The following PICALM variants were observed in gnomAD, a reference collection of about 807,000 sequenced individuals.
PICALM encodes phosphatidylinositol-binding clathrin assembly protein.
A neutral mutation model predicts 80.5 loss-of-function variants in PICALM; 40 were observed. The ratio of observed to expected loss-of-function variants is 0.50; its 90% CI spans 0.39 to 0.65. The LOEUF is 0.65. Ranked by LOEUF, PICALM falls within the 30% of genes least tolerant of loss-of-function variation. PICALM has a pLI of 0.00. For synonymous variants in PICALM, 288 were observed against 260.3 expected (o/e 1.11, Z -1.02); for missense variants, 676 against 778.9 (o/e 0.87, Z 1.57).
At chr11:85,970,248 A>G (rs1402424243) in intron 19 of PICALM, among the ~76,000 whole-genome samples, 1 of 152,252 alleles carries the variant, frequency 6.6e-6, no homozygotes, top group African/African-American at 2.4e-5. Flanking sequence ...AATAAGGAAA[A>G]GAATTCCAGA....
Position 86,001,024 on chromosome 11 carries a change from C to A in PICALM, c.1017+11G>T. The A allele has an allele frequency of 1.2e-6, 2 of 1,613,638 alleles. No homozygotes were observed. The highest frequency in any genetic ancestry group is 1.7e-6 in the Non-Finnish European group (2 of 1,179,692). ...CTCATTTTTCGAAATAAGGAGAATG[C>A]ACAAACTTACCTTTAAAGCTTTCAA... On this transcript the variant is annotated intron_variant, in intron 10 of 19. Coordinates refer to ENST00000393346, the MANE Select transcript of PICALM (RefSeq NM_007166.4).
intron 1 of PICALM, among the ~76,000 whole-genome samples, chr11:86,038,614 C>T (rs1252302670): frequency 2.6e-5 from 4 of 151,880 alleles, no homozygotes; most frequent in Non-Finnish European, 5.9e-5. Flanking sequence ...AACCCCATCT[C>T]TACTAAAAAT....
chr11:85,976,516 T>C (rs2094288219), intron 18 of PICALM, 107 bp downstream of exon 18: 2 of 700,962 alleles, frequency 2.9e-6, no homozygotes, highest in Admixed American at 2.0e-5. Flanking sequence ...GCACTAGGGC[T>C]AGGAGTATGA....
Position 86,035,221 on chromosome 11 carries a change from C to CA in PICALM, c.131-3611dup, listed in dbSNP as rs1297525427. 2.0e-5 allele frequency among the ~76,000 whole-genome samples: 3 copies of CA among 151,614 alleles called. No individual in the cohort carries two copies. In the East Asian group the frequency reaches 5.8e-4, roughly 29 times the overall value. On this transcript the variant is annotated intron_variant, in intron 1 of 19. Coordinates refer to ENST00000393346, the MANE Select transcript of PICALM (RefSeq NM_007166.4). ...GTCATATTCCTAGTGTAGGCCTTTACAAACTCTCCCACCAGGCAGAGTTCA... is the reference window on the plus strand; with the variant it reads ...GTCATATTCCTAGTGTAGGCCTTTACAAAACTCTCCCACCAGGCAGAGTTCA...
intron 1 of PICALM, among the ~76,000 whole-genome samples, chr11:86,035,718 G>A (rs1050363404): frequency 4.6e-5 from 7 of 151,574 alleles, no homozygotes; most frequent in African/African-American, 9.7e-5. Context: ...CGAGGCGGGC[G>A]GACTACCTGA....
At chr11:86,062,409 T>C (rs1024320352) in intron 1 of PICALM, among the ~76,000 whole-genome samples, 14 of 151,854 alleles carry the variant, frequency 9.2e-5, no homozygotes, top group African/African-American at 3.4e-4. Context: ...TCCCAGGTAT[T>C]TGGGAGGCTG....
intron 1 of PICALM, among the ~76,000 whole-genome samples, chr11:86,065,903 T>C (rs1030000307): frequency 6.6e-6 from 1 of 152,114 alleles, no homozygotes. Flanking sequence ...AGAAACCACC[T>C]CCACACTCTA....
At chr11:85,962,794 G>A (rs1041188621) in intron 19 of PICALM, among the ~76,000 whole-genome samples, 8 of 152,262 alleles carry the variant, frequency 5.3e-5, no homozygotes, top group African/African-American at 1.2e-4. Context: ...TGTATCAAGC[G>A]GATGAAACCA....
intron 13 of PICALM, among the ~76,000 whole-genome samples, chr11:85,984,199 A>ACTTTT (rs1040753059): frequency 6.6e-6 from 1 of 152,166 alleles, no homozygotes; most frequent in African/African-American, 2.4e-5. Flanking sequence ...CTCACACTGA[A>ACTTTT]CTGAAAATAT....
Position 85,976,644 on chromosome 11 carries a change from T to C in PICALM, c.1818A>G (p.Thr606=). 6.2e-7 allele frequency: 1 copy of C among 1,603,076 alleles called. No homozygotes were observed. ...PVMAYPATTP[T]GMIGYGIPPQ... is the part of the protein sequence containing the mutation. ...TTACAATTCCATATCCTATCATGCC[T>C]GTTGGTGTAGTAGCAGGATAGGCCA... The change falls in exon 18 of 20, where the codon ACA becomes ACG. Residue 606 remains threonine (T), a synonymous_variant. Coordinates refer to ENST00000393346, the MANE Select transcript of PICALM (RefSeq NM_007166.4).
chr11:85,979,268 T>C (rs578169525), intron 17 of PICALM, among the ~76,000 whole-genome samples: 1 of 152,184 alleles, frequency 6.6e-6, no homozygotes, highest in South Asian at 2.1e-4. Context: ...GGCGGGTGGA[T>C]CACTTGAGGT....
At chr11:86,065,860 C>T (rs2137854944) in intron 1 of PICALM, among the ~76,000 whole-genome samples, 1 of 152,236 alleles carries the variant, frequency 6.6e-6, no homozygotes, top group South Asian at 2.1e-4. Context: ...ATAATCACTT[C>T]CTAATGTGGA....
At chr11:85,998,640 T>C (rs1381445505) in intron 11 of PICALM, among the ~76,000 whole-genome samples, 1 of 151,984 alleles carries the variant, frequency 6.6e-6, no homozygotes, top group Non-Finnish European at 1.5e-5. Context: ...TAGTTGGGCA[T>C]TGCGGAGTGC....
chr11:86,040,064 C>G (rs903975259), intron 1 of PICALM, among the ~76,000 whole-genome samples: 6 of 146,890 alleles, frequency 4.1e-5, no homozygotes, highest in African/African-American at 1.5e-4. Flanking sequence ...ATGCAGAGAT[C>G]AGAAATATAG....
intron 1 of PICALM, among the ~76,000 whole-genome samples, chr11:86,064,112 T>C (rs1272733550): frequency 6.6e-6 from 1 of 152,248 alleles, no homozygotes; most frequent in African/African-American, 2.4e-5. Context: ...ATACGCATTT[T>C]TAATGTAGTT....
intron 19 of PICALM, among the ~76,000 whole-genome samples, chr11:85,973,243 G>T (rs2094166643): frequency 6.6e-6 from 1 of 152,164 alleles, no homozygotes; most frequent in Non-Finnish European, 1.5e-5. Context: ...CAGCCAAACA[G>T]AGATATCAAT....
chr11:85,982,603 A>G (rs1381651037), intron 14 of PICALM, among the ~76,000 whole-genome samples: 14 of 141,304 alleles, frequency 9.9e-5, no homozygotes, highest in African/African-American at 3.5e-4. Flanking sequence ...AATTTTTTGT[A>G]TTTTTAGTAG....
At chr11:86,003,190 G>A (rs2095192418) in intron 9 of PICALM, among the ~76,000 whole-genome samples, 176 bp downstream of exon 9, 1 of 152,156 alleles carries the variant, frequency 6.6e-6, no homozygotes, top group African/African-American at 2.4e-5. Context: ...GAATTTGCAT[G>A]TATTAATCCA....
chr11:86,024,741 A>C (rs972950834), intron 3 of PICALM, among the ~76,000 whole-genome samples: 4 of 152,194 alleles, frequency 2.6e-5, no homozygotes, highest in African/African-American at 9.7e-5. Flanking sequence ...TATATATTCT[A>C]TTCACATTCA....
Sources: gnomAD v4.1 joint callset for allele counts (sites outside exome capture counted in the v4.1 genomes callset) on GRCh38, gnomAD v4.1.1 for gene constraint, MANE v1.5 for transcripts, NCBI Gene and HGNC (gene_info 2026-07-23, HGNC 2026-07-21) for gene names.